Variants in FRMD4A observed in about 807,000 individuals in gnomAD.
The protein encoded by FRMD4A is FERM domain containing 4A.
A neutral mutation model predicts 129.1 loss-of-function variants in FRMD4A; 29 were observed. The ratio of observed to expected loss-of-function variants is 0.22; its 90% CI spans 0.17 to 0.31. The LOEUF is 0.31. Among genes scored for constraint, FRMD4A ranks in the 10% least tolerant of loss-of-function variants. The pLI is 1.00. For synonymous variants in FRMD4A, 634 were observed against 571.6 expected (o/e 1.11, Z -1.56); for missense variants, 1,272 against 1,375.8 (o/e 0.92, Z 1.19).
chr10:13,690,758 T>G (rs987162281), intron 15 of FRMD4A, among the ~76,000 whole-genome samples: 2 of 152,226 alleles, frequency 1.3e-5, no homozygotes, highest in African/African-American at 4.8e-5. Context: ...CTGCTACTAC[T>G]AACTCCTAAT....
intron 2 of FRMD4A, among the ~76,000 whole-genome samples, chr10:13,999,428 G>T (rs555594483): frequency 6.6e-6 from 1 of 152,306 alleles, no homozygotes; most frequent in South Asian, 2.1e-4. Flanking sequence ...TTCTGGGACT[G>T]ATTCTGTGTG....
intron 2 of FRMD4A, among the ~76,000 whole-genome samples, chr10:14,285,655 A>G (rs1269262476): frequency 6.6e-6 from 1 of 152,244 alleles, no homozygotes; most frequent in African/African-American, 2.4e-5. Flanking sequence ...AATACCTCTC[A>G]AAGTTATGAG....
chr10:14,316,508 C>CA (rs760301974), intron 2 of FRMD4A, among the ~76,000 whole-genome samples: 5,832 of 109,856 alleles, frequency 0.053, 176 homozygotes, highest in South Asian at 0.085. Context: ...GTGATAGCAG[C>CA]AAAAAAAAAA....
At chr10:14,129,399 T>TATATAA (rs1839114906) in intron 2 of FRMD4A, among the ~76,000 whole-genome samples, 1 of 132,788 alleles carries the variant, frequency 7.5e-6, no homozygotes, top group South Asian at 2.3e-4. Flanking sequence ...TATATATATA[T>TATATAA]ATATATATAA....
intron 6 of FRMD4A, among the ~76,000 whole-genome samples, chr10:13,764,478 C>G (rs1011694069): frequency 6.0e-5 from 9 of 151,026 alleles, no homozygotes; most frequent in African/African-American, 2.2e-4. Flanking sequence ...TACACTCCAG[C>G]CTGGTGACAG....
chr10:14,033,336 A>C (rs1833341492), intron 2 of FRMD4A, among the ~76,000 whole-genome samples: 1 of 151,748 alleles, frequency 6.6e-6, no homozygotes, highest in African/African-American at 2.4e-5. Context: ...TTTTAGATTC[A>C]GGGCACATGT....
At chr10:14,273,028 C>A (rs1199436944) in intron 2 of FRMD4A, among the ~76,000 whole-genome samples, 1 of 151,434 alleles carries the variant, frequency 6.6e-6, no homozygotes, top group Non-Finnish European at 1.5e-5. Context: ...CCAGCCTGAG[C>A]AACATGGCCA....
intron 2 of FRMD4A, among the ~76,000 whole-genome samples, chr10:13,960,199 T>G (rs966344614): frequency 1.3e-5 from 2 of 152,234 alleles, no homozygotes; most frequent in Non-Finnish European, 2.9e-5. Flanking sequence ...GGCGGCAGCT[T>G]GTTTCCTGAC....
chr10:14,306,781 A>G (rs1218236795), intron 2 of FRMD4A, among the ~76,000 whole-genome samples: 2 of 152,318 alleles, frequency 1.3e-5, no homozygotes, highest in African/African-American at 4.8e-5. Flanking sequence ...TATTTTAAAT[A>G]TCTCCAGCTC....
At chr10:14,325,562 G>C (rs1165348161) in intron 2 of FRMD4A, among the ~76,000 whole-genome samples, 3 of 152,240 alleles carry the variant, frequency 2.0e-5, no homozygotes. Flanking sequence ...GGCTCACTTG[G>C]TGATGAGTTA....
intron 3 of FRMD4A, among the ~76,000 whole-genome samples, chr10:13,817,877 G>T (rs553133763): frequency 1.3e-5 from 2 of 152,200 alleles, no homozygotes; most frequent in East Asian, 3.9e-4. Context: ...TAAATTCTGG[G>T]GAAAGGAATT....
chr10:13,810,936 G>C (rs766170753), intron 3 of FRMD4A, 28 bp from the exon 4 acceptor site: 23 of 1,193,254 alleles, frequency 1.9e-5, no homozygotes, highest in Non-Finnish European at 2.5e-5. Flanking sequence ...TGGAAGAAGG[G>C]TAAGTGATGA....
At chr10:14,197,577 A>G (rs924903196) in intron 2 of FRMD4A, among the ~76,000 whole-genome samples, 2 of 152,064 alleles carry the variant, frequency 1.3e-5, no homozygotes, top group East Asian at 3.9e-4. Context: ...ACCAGGCTGG[A>G]CTTGAACTCC....
chr10:13,998,554 C>T (rs559957432), intron 2 of FRMD4A, among the ~76,000 whole-genome samples: 9 of 152,300 alleles, frequency 5.9e-5, no homozygotes, highest in Non-Finnish European at 1.3e-4. Flanking sequence ...GAATAGAACC[C>T]AGTCTCTCCC....
chr10:14,319,346 T>TC (rs1424713744), intron 2 of FRMD4A, among the ~76,000 whole-genome samples: 5 of 79,838 alleles, frequency 6.3e-5, no homozygotes, highest in East Asian at 3.5e-4. Flanking sequence ...AATATCTCTC[T>TC]CTCCTCTCTC....
chr10:13,923,120 A>G (rs1313826276), intron 2 of FRMD4A, among the ~76,000 whole-genome samples: 1 of 152,206 alleles, frequency 6.6e-6, no homozygotes, highest in African/African-American at 2.4e-5. Flanking sequence ...GGGAAACCCT[A>G]GAGTGGATGG....
chr10:13,855,221 G>T (rs1251119355), intron 3 of FRMD4A, among the ~76,000 whole-genome samples: 1 of 152,174 alleles, frequency 6.6e-6, no homozygotes, highest in East Asian at 1.9e-4. Context: ...TTACAGTGCT[G>T]CATGAAATTA....
At chr10:13,910,263 T>C (rs1257966180) in intron 2 of FRMD4A, among the ~76,000 whole-genome samples, 1 of 152,236 alleles carries the variant, frequency 6.6e-6, no homozygotes, top group East Asian at 1.9e-4. Context: ...ACTGCCTAGC[T>C]GCCATGTGAA....
intron 2 of FRMD4A, among the ~76,000 whole-genome samples, chr10:13,869,647 A>G (rs920432906): frequency 6.6e-6 from 1 of 152,220 alleles, no homozygotes; most frequent in Non-Finnish European, 1.5e-5. Flanking sequence ...AGGTGTACAA[A>G]GAACTCCAGG....
Sources: allele counts gnomAD v4.1 joint callset (sites outside exome capture counted in the v4.1 genomes callset), GRCh38; gene constraint gnomAD v4.1.1; transcripts MANE v1.5; gene names NCBI Gene and HGNC (gene_info 2026-07-23, HGNC 2026-07-21).